TSC2: variants seen among roughly 807,000 people sequenced by gnomAD.
TSC2 encodes the protein TSC complex subunit 2.
A neutral mutation model predicts 202.2 loss-of-function variants in TSC2; 29 were observed. The observed-to-expected ratio is 0.14, with a 90% confidence interval of 0.11 to 0.20. The LOEUF (loss-of-function observed/expected upper bound fraction) is 0.20, where lower values mean the gene tolerates loss of function less well. Among genes scored for constraint, TSC2 ranks in the 10% least tolerant of loss-of-function variants. The pLI is 1.00. For synonymous variants in TSC2, 1,349 were observed against 1,044.0 expected (o/e 1.29, Z -5.63); for missense variants, 2,429 against 2,420.0 (o/e 1.00, Z -0.08).
In TSC2 at chr16:2,081,472, C is replaced by T. The variant is rs2090134768; in HGVS notation, c.3611-123C>T. 4.8e-6 allele frequency: 6 copies of T among 1,262,794 alleles called. No homozygotes were observed. The South Asian group carries it at 4.8e-5, about 10-fold the overall frequency. 78.2% of individuals were successfully genotyped at this position (1,262,794 alleles called of 1,614,324 possible). On this transcript the variant is annotated intron_variant, in intron 30 of 41. Transcript: ENST00000219476. ...GCAGCGCTGGCTCCGACATCGTGGT[C>T]CTGAGGATTGTGGGAGGGAGCATGA...
At chr16:2,072,211 G>C (rs1245954291) in intron 19 of TSC2, 30 bp from the exon 20 acceptor site, 1 of 1,613,446 alleles carries the variant, frequency 6.2e-7, no homozygotes, top group East Asian at 2.2e-5. Context: ...GGTCCAGAAG[G>C]CCCTGTCCTG....
At chr16:2,086,508 G>C in intron 37 of TSC2, 129 bp downstream of exon 37, 2 of 1,441,964 alleles carry the variant, frequency 1.4e-6, no homozygotes, top group Non-Finnish European at 1.9e-6. Flanking sequence ...CACGCCTCAG[G>C]TTCCGAGCCT....
At chr16:2,070,771 C>T (rs115557494) in intron 17 of TSC2, among the ~76,000 whole-genome samples, 193 bp downstream of exon 17, 2 of 152,354 alleles carry the variant, frequency 1.3e-5, no homozygotes, top group African/African-American at 4.8e-5. Context: ...GTCCACACAT[C>T]TGTGGCTTGT....
Position 2,077,040 on chromosome 16 carries a change from C to CTA in TSC2, c.2837+457_2837+458dup, listed in dbSNP as rs200120767. Among the ~76,000 whole-genome samples, 859 of 152,372 alleles carry CTA rather than the reference C, an allele frequency of 5.6e-3. 6 individuals are homozygous for CTA. The highest frequency in any genetic ancestry group is 0.037 in the Middle Eastern group (11 of 294). On this transcript the variant is annotated intron_variant, in intron 25 of 41. Transcript: ENST00000219476. ...CCTGTCCCCCACCTTCCTGCCCGAGCTATTTTGGCTTTCCCTAGATGGGAA... is the reference window on the plus strand; with the variant it reads ...CCTGTCCCCCACCTTCCTGCCCGAGCTATATTTTGGCTTTCCCTAGATGGGAA...
In TSC2 at chr16:2,048,004, G is replaced by A; in HGVS notation, c.-91G>A. On this transcript the variant is annotated 5_prime_UTR_variant, in exon 1 of 42. Transcript: ENST00000219476. ...GGTCGCGCTTCCGGCGGCGTCCCGGGGCCAGGGGGGTGCGCCTTTCTCCGC... is the reference window on the plus strand; with the variant it reads ...GGTCGCGCTTCCGGCGGCGTCCCGGAGCCAGGGGGGTGCGCCTTTCTCCGC... 2.7e-6 allele frequency: 4 copies of A among 1,490,226 alleles called. No homozygotes were observed. The highest frequency in any genetic ancestry group is 5.1e-5 in the East Asian group (2 of 38,836). 92.3% of individuals were successfully genotyped at this position (1,490,226 alleles called of 1,614,324 possible).
chr16:2,077,758 C>T, intron 26 of TSC2, 32 bp downstream of exon 26: 5 of 1,609,426 alleles, frequency 3.1e-6, no homozygotes, highest in South Asian at 1.1e-5. Context: ...GGGCACGGAC[C>T]CTGGAGCTTG....
intron 22 of TSC2, 96 bp from the exon 23 acceptor site, chr16:2,075,703 G>A (rs1256985185): frequency 2.5e-5 from 33 of 1,340,396 alleles, no homozygotes; most frequent in South Asian, 4.8e-5. Flanking sequence ...CTCCTCTGCA[G>A]CACCCCATCG....
chr16:2,064,602 G>A (rs1378033462), intron 15 of TSC2, 175 bp downstream of exon 15: 1 of 942,002 alleles, frequency 1.1e-6, no homozygotes, highest in Non-Finnish European at 1.6e-6. Flanking sequence ...GCCACTGCTG[G>A]ATTTGTGTCC....
rs2151329166 is a variant in TSC2, at chr16:2,072,986, A to G, written c.2355+3A>G. On this transcript the variant is annotated splice_donor_region_variant and intron_variant, in intron 21 of 41. Transcript: ENST00000219476. ...ACTACCTGGACAAAACCAAACAGGT[A>G]GGAGGTCAGAGCAGGACAGGCGAGC... The G allele has an allele frequency of 6.2e-7, 1 of 1,613,368 alleles. No homozygotes were observed. Among genetic ancestry groups the G allele is most frequent in the South Asian group, 1.1e-5 (1 of 91,086 alleles).
At chr16:2,060,554 T>G in intron 10 of TSC2, 116 bp from the exon 11 acceptor site, 1 of 1,552,662 alleles carries the variant, frequency 6.4e-7, no homozygotes, top group Non-Finnish European at 8.8e-7. Context: ...CTGATAAACG[T>G]GTGGTGGGCA....
At chr16:2,053,759 A>G (rs1420409731) in intron 4 of TSC2, 2 of 567,220 alleles carry the variant, frequency 3.5e-6, no homozygotes, top group South Asian at 1.5e-5. Context: ...GTGTGGGGCT[A>G]CGGTGTTGTT....
In TSC2 at chr16:2,079,060, A is replaced by T. The variant is rs777089012; in HGVS notation, c.2995A>T (p.Ser999Cys). ...GATACAGACGTCCCTCACCAGTGCC[A>T]GCTTGGGGTCTGCAGATGAGAACTC... ...SRIQTSLTSASLGSADENSVA... is the reference protein window; with the variant it reads ...SRIQTSLTSACLGSADENSVA... The change falls in exon 27 of 42, where the codon AGC becomes TGC. Residue 999 changes from serine to cysteine, a missense_variant. Transcript: ENST00000219476. The surrounding 1 kb of genome is among the most constrained non-coding windows in gnomAD (Gnocchi z 4.6). The T allele has an allele frequency of 5.0e-6, 8 of 1,612,754 alleles. No homozygotes were observed. The African/African-American group carries it at 1.1e-4, about 22-fold the overall frequency.
intron 10 of TSC2, among the ~76,000 whole-genome samples, chr16:2,059,311 C>T (rs1457414757): frequency 6.6e-6 from 1 of 151,130 alleles, no homozygotes; most frequent in Non-Finnish European, 1.5e-5. Flanking sequence ...AGCCACCATG[C>T]CTGGCCAAAG....
At chr16:2,076,698 C>T (rs1258472404) in intron 25 of TSC2, 113 bp downstream of exon 25, 1 of 1,109,194 alleles carries the variant, frequency 9.0e-7, no homozygotes, top group African/African-American at 1.5e-5. Flanking sequence ...CCTGTGTGCC[C>T]TGGAGTATGT....
At position 2,048,697 on chromosome 16, in the gene TSC2, C is replaced by T. The variant is rs200480606; in HGVS notation, c.82C>T (p.Pro28Ser). 2 of 1,614,052 alleles carry T rather than the reference C, an allele frequency of 1.2e-6. No homozygotes were observed. Among genetic ancestry groups the T allele is most frequent in the African/African-American group, 2.7e-5 (2 of 75,052 alleles). ...LLGLGTPRPN[P>S]RSAEGKQTEF... The stretch of plus-strand genomic sequence containing the variant: ...GGGACTGGGAACACCGAGGCCAAAT[C>T]CCAGGTCTGCAGAGGGTAAACAGAC... The change falls in exon 2 of 42, where the codon CCC becomes TCC. Residue 28 changes from proline to serine, a missense_variant. Physicochemically the swap from Pro to Ser is moderately conservative, Grantham distance 74 (BLOSUM62 -1). Transcript: ENST00000219476.
intron 3 of TSC2, among the ~76,000 whole-genome samples, chr16:2,052,372 C>A (rs1309851405): frequency 6.6e-6 from 1 of 151,922 alleles, no homozygotes; most frequent in Non-Finnish European, 1.5e-5. Flanking sequence ...TGCAGTGTCA[C>A]AATCATGGCT....
At chr16:2,056,891 A>G in intron 8 of TSC2, 122 bp downstream of exon 8, 1 of 1,513,272 alleles carries the variant, frequency 6.6e-7, no homozygotes, top group Non-Finnish European at 9.1e-7. Context: ...CTGTTGAGGG[A>G]CGGCCAGTGT....
Position 2,088,135 on chromosome 16 carries a change from C to G in TSC2, c.5156C>G (p.Ala1719Gly), listed in dbSNP as rs2091100543. The G allele has an allele frequency of 6.2e-7, 1 of 1,613,032 alleles. No homozygotes were observed. Residue 1719 changes from alanine to glycine, a missense_variant, in exon 40 of 42, where the codon GCA (alanine) becomes GGA (glycine). Physicochemically the swap from Ala to Gly is moderately conservative, Grantham distance 60 (BLOSUM62 0). Coordinates refer to ENST00000219476, the MANE Select transcript of TSC2 (RefSeq NM_000548.5). ...GTGGCCCGCCAGATGGCCCTGCACG[C>G]AAATGTGAGTGGGGGTGGGTCCAGG... ...PFVARQMALH[A>G]NMASQVHHSR...
chr16:2,083,582 G>A, intron 32 of TSC2, 113 bp from the exon 33 acceptor site: 1 of 1,514,698 alleles, frequency 6.6e-7, no homozygotes, highest in Non-Finnish European at 8.9e-7. Flanking sequence ...GCCCTGGGGA[G>A]GCTCGCAGGG....
Sources: gnomAD v4.1 joint callset for allele counts (sites outside exome capture counted in the v4.1 genomes callset) on GRCh38, gnomAD v4.1.1 for gene constraint, Gnocchi (gnomAD v3.1) non-coding constraint, MANE v1.5 for transcripts, NCBI Gene and HGNC (gene_info 2026-07-23, HGNC 2026-07-21) for gene names.